HSPBP1: variants seen among roughly 807,000 people sequenced by gnomAD.
The protein encoded by HSPBP1 is HSPA (Hsp70) binding protein 1.
A neutral mutation model predicts 41.7 loss-of-function variants in HSPBP1; 31 were observed. That is an observed-to-expected ratio of 0.74 (90% CI 0.56 to 1.00). HSPBP1 has a LOEUF of 1.00. Ranked by LOEUF, HSPBP1 falls within the 50% of genes least tolerant of loss-of-function variation. The probability of loss-of-function intolerance (pLI) is 0.00; values close to 1 mark genes in which losing one functional copy is unlikely to be tolerated. For synonymous variants in HSPBP1, 199 were observed against 214.4 expected (o/e 0.93, Z 0.63); for missense variants, 439 against 487.9 (o/e 0.90, Z 0.94).
Position 55,277,708 on chromosome 19 carries a change from G to A in HSPBP1, c.349C>T (p.Gln117Ter). The part of the protein sequence containing the change: ...TAGEAEQAAD[Q>*]QEREGALELL... Reference sequence around the variant, plus strand: ...TCCAGGGCCCCCTCTCGCTCTTGCTGGTCGGCCGCCTGCTCGGCCTCCCCA... The same window carrying A: ...TCCAGGGCCCCCTCTCGCTCTTGCTAGTCGGCCGCCTGCTCGGCCTCCCCA... The change falls in exon 3 of 8, where the codon CAG becomes TAG. Residue 117 changes from glutamine (Q) to a stop codon, truncating the protein, a stop_gained. Transcript: ENST00000433386. LOFTEE classifies it high-confidence loss of function. 6.2e-7 allele frequency: 1 copy of A among 1,605,132 alleles called. No individual in the cohort carries two copies. The highest frequency in any genetic ancestry group is 8.5e-7 in the Non-Finnish European group (1 of 1,176,718).
chr19:55,277,743 G>A lies in HSPBP1; in HGVS notation c.314C>T (p.Pro105Leu), dbSNP rs780255577. The change falls in exon 3 of 8, where the codon CCC becomes CTC. Residue 105 changes from proline (P) to leucine (L), a missense_variant. By Grantham distance (98) the Pro-to-Leu change is moderately conservative. Coordinates refer to ENST00000433386, the MANE Select transcript of HSPBP1 (RefSeq NM_012267.5). ...SCLRVLSQPM[P>L]PTAGEAEQAA... Reference sequence around the variant, plus strand: ...CTGCTCGGCCTCCCCAGCAGTGGGGGGCATGGGCTGTGACAGCACTCGGAG... The same window carrying A: ...CTGCTCGGCCTCCCCAGCAGTGGGGAGCATGGGCTGTGACAGCACTCGGAG... The A allele has an allele frequency of 6.2e-7, 1 of 1,608,170 alleles. No individual in the cohort carries two copies. The highest frequency in any genetic ancestry group is 1.3e-5 in the African/African-American group (1 of 74,868).
At position 55,280,085 on chromosome 19, in the gene HSPBP1, C is replaced by A. The variant is rs1308056306; in HGVS notation, c.-145G>T. On this transcript the variant is annotated 5_prime_UTR_variant, in exon 1 of 8. Coordinates refer to ENST00000433386, the MANE Select transcript of HSPBP1 (RefSeq NM_012267.5). ...GCTCCTACAGACAAAGTCGTCCGCACCTGACTCTGCTGGGCGCCGCCATCT... is the reference window on the plus strand; with the variant it reads ...GCTCCTACAGACAAAGTCGTCCGCAACTGACTCTGCTGGGCGCCGCCATCT... 4.4e-6 allele frequency: 1 copy of A among 229,258 alleles called. No homozygotes were observed. Among genetic ancestry groups the A allele is most frequent in the Non-Finnish European group, 8.7e-6 (1 of 114,680 alleles). The allele number at this position is 229,258 out of a possible 1,614,324, so 14.2% of individuals were successfully genotyped here. A position where few individuals can be genotyped will look rare whatever the true frequency, so the allele number is the denominator to read the frequency against.
chr19:55,277,202 T>C (rs976726070), intron 3 of HSPBP1, among the ~76,000 whole-genome samples: 5 of 152,212 alleles, frequency 3.3e-5, no homozygotes, highest in Admixed American at 2.0e-4. Context: ...AGGGCCTGGC[T>C]GCTGTTCCTG....
At position 55,262,571 on chromosome 19, in the gene HSPBP1, G is replaced by A. The variant is rs1193114089; in HGVS notation, c.*37C>T. The A allele has an allele frequency of 3.1e-6, 5 of 1,610,270 alleles. No homozygotes were observed. The highest frequency in any genetic ancestry group is 3.4e-5 in the Admixed American group (2 of 59,576). On this transcript the variant is annotated 3_prime_UTR_variant, in exon 8 of 8. Coordinates refer to ENST00000433386, the MANE Select transcript of HSPBP1 (RefSeq NM_012267.5). ...GTGGGGAGGGAGGCAAGAGGCCTGG[G>A]GTTCCCACGGAGAAGGGGGCAAGAA... is the stretch of plus-strand genomic sequence containing the variant.
intron 7 of HSPBP1, among the ~76,000 whole-genome samples, chr19:55,264,061 C>T (rs796173826): frequency 4.2e-4 from 64 of 151,696 alleles, no homozygotes; most frequent in Admixed American, 3.5e-3. Flanking sequence ...TCCGCCTCCC[C>T]GGTTCAAGCG....
intron 4 of HSPBP1, 51 bp downstream of exon 4, chr19:55,274,347 A>ACCCCCCCCCCCCCCC (rs11427517): frequency 3.0e-5 from 10 of 328,034 alleles, no homozygotes; most frequent in Non-Finnish European, 4.6e-5. Context: ...CCCACCCGGC[A>ACCCCCCCCCCCCCCC]CCCCCCCCCA....
chr19:55,279,670 C>T lies in HSPBP1; in HGVS notation c.-62G>A. On this transcript the variant is annotated 5_prime_UTR_variant, in exon 2 of 8. Coordinates refer to ENST00000433386, the MANE Select transcript of HSPBP1 (RefSeq NM_012267.5). ...GAGAAGGTGGTCACCGCTGAAGCAG[C>T]TCTGGCGTCCTGATGGGTCGATTCT... The T allele has an allele frequency of 6.5e-7, 1 of 1,544,784 alleles. No homozygotes were observed. Among genetic ancestry groups the T allele is most frequent in the Non-Finnish European group, 8.7e-7 (1 of 1,147,024 alleles).
At chr19:55,274,347 A>T in intron 4 of HSPBP1, 51 bp downstream of exon 4, 1 of 325,718 alleles carries the variant, frequency 3.1e-6, no homozygotes, top group Non-Finnish European at 5.7e-6. Flanking sequence ...CCCACCCGGC[A>T]CCCCCCCCCA....
rs11427517 is a variant in HSPBP1, at chr19:55,274,347, A to ACCC, written c.640+48_640+50dup. The ACCC allele has an allele frequency of 6.7e-4, 220 of 328,052 alleles. 1 individual carries two copies. The highest frequency in any genetic ancestry group is 3.4e-3 in the Middle Eastern group (4 of 1,164). The allele number at this position is 328,052 out of a possible 1,614,324, so 20.3% of individuals were successfully genotyped here. A position where few individuals can be genotyped will look rare whatever the true frequency, so the allele number is the denominator to read the frequency against. ...AGCAGATCCCGGGGGCCCACCCGGC[A>ACCC]CCCCCCCCCACCGCCAGCACCCCTG... On this transcript the variant is annotated intron_variant, in intron 4 of 7. Transcript: ENST00000433386.
At chr19:55,280,334 C>T (rs1256240415), upstream of HSPBP1, 4 of 154,946 alleles carry the variant, frequency 2.6e-5, no homozygotes, top group African/African-American at 9.7e-5. Context: ...AAAGCCCTGC[C>T]CCTGGCCCAG....
rs749805086 is a variant in HSPBP1 at position 55,277,634 on chromosome 19, C to G, written c.415+8G>C. ...GGGCAGAACGTCCTGGCGGGGGAAG[C>G]GGGGTACCTGCGGCATTGTCCATGT... On this transcript the variant is annotated splice_region_variant and intron_variant, in intron 3 of 7. Coordinates refer to ENST00000433386, the MANE Select transcript of HSPBP1 (RefSeq NM_012267.5). 2 of 1,600,744 alleles carry G rather than the reference C, an allele frequency of 1.2e-6. No homozygotes were observed. The highest frequency in any genetic ancestry group is 1.7e-6 in the Non-Finnish European group (2 of 1,175,024).
At chr19:55,274,344 G>T in intron 4 of HSPBP1, 54 bp downstream of exon 4, 7 of 293,902 alleles carry the variant, frequency 2.4e-5, no homozygotes, top group South Asian at 1.1e-4. Flanking sequence ...GGGCCCACCC[G>T]GCACCCCCCC....
chr19:55,272,932 TAA>T lies in HSPBP1; in HGVS notation c.640+1464_640+1465del, dbSNP rs2087963996. ...CACCCCGAACGCGTCTGATCACATC[TAA>T]AATTAGAGAGTGATGATGGCTGCAC... is the stretch of plus-strand genomic sequence containing the variant. On this transcript the variant is annotated intron_variant, in intron 4 of 7. Transcript: ENST00000433386. This position sits in a 1 kb window ranked among gnomAD's most constrained non-coding sequence, Gnocchi z 4.2. 6.6e-6 allele frequency among the ~76,000 whole-genome samples: 1 copy of T among 152,184 alleles called. No individual in the cohort carries two copies. Among genetic ancestry groups the T allele is most frequent in the African/African-American group, 2.4e-5 (1 of 41,438 alleles).
chr19:55,274,354 C>CCCG, intron 4 of HSPBP1, 44 bp downstream of exon 4: 1 of 632,308 alleles, frequency 1.6e-6, no homozygotes, highest in South Asian at 2.1e-5. Context: ...GGCACCCCCC[C>CCCG]CCACCGCCAG....
chr19:55,266,445 T>A, intron 4 of HSPBP1, among the ~76,000 whole-genome samples, 159 bp from the exon 5 acceptor site: 1 of 3,250 alleles, frequency 3.1e-4, no homozygotes, highest in Non-Finnish European at 7.6e-4. Context: ...ATCACCATTC[T>A]CATCCTCACC....
Position 55,279,524 on chromosome 19 carries a change from C to CGCCGCCGCT in HSPBP1, c.84_85insAGCGGCGGC (p.Gly28_Gly29insSerGlyGly), listed in dbSNP as rs2088173180. ...CCCGAGCCCCCAGCCGAGGAGCCGC[C>CGCCGCCGCT]GCCGCCGCCCCCTGAAGAGCAACCC... On this transcript the variant is annotated inframe_insertion, in exon 2 of 8. Coordinates refer to ENST00000433386, the MANE Select transcript of HSPBP1 (RefSeq NM_012267.5). 1.9e-6 allele frequency: 3 copies of CGCCGCCGCT among 1,608,490 alleles called. No homozygotes were observed. Among genetic ancestry groups the CGCCGCCGCT allele is most frequent in the South Asian group, 2.2e-5 (2 of 90,942 alleles).
At chr19:55,271,013 TAC>T (rs1005866446) in intron 4 of HSPBP1, among the ~76,000 whole-genome samples, 2 of 147,362 alleles carry the variant, frequency 1.4e-5, no homozygotes, top group African/African-American at 2.5e-5. Context: ...ACACACCCAC[TAC>T]ACACACACAT....
intron 3 of HSPBP1, 78 bp downstream of exon 3, chr19:55,277,564 C>T (rs2088105661): frequency 2.8e-6 from 4 of 1,446,682 alleles, no homozygotes; most frequent in Non-Finnish European, 3.8e-6. Context: ...GTGTGAGCCC[C>T]AAGAGTAGGG....
chr19:55,267,309 C>G (rs2087812812), intron 4 of HSPBP1, among the ~76,000 whole-genome samples: 1 of 152,116 alleles, frequency 6.6e-6, no homozygotes, highest in South Asian at 2.1e-4. Flanking sequence ...TGCCACCACA[C>G]CCGGCTAATT....
Sources: gnomAD v4.1 joint callset for allele counts (sites outside exome capture counted in the v4.1 genomes callset) on GRCh38, gnomAD v4.1.1 for gene constraint, Gnocchi (gnomAD v3.1) non-coding constraint, MANE v1.5 for transcripts, NCBI Gene and HGNC (gene_info 2026-07-23, HGNC 2026-07-21) for gene names.